The following NUBPL variants were observed in gnomAD, a reference collection of about 807,000 sequenced individuals.
NUBPL encodes the protein iron-sulfur cluster transfer protein NUBPL.
Under a neutral mutation model 45.7 loss-of-function variants are expected in NUBPL, and 31 were observed. The observed-to-expected ratio is 0.68, with a 90% CI of 0.51 to 0.92. The LOEUF (loss-of-function observed/expected upper bound fraction) is 0.92, where lower values mean the gene tolerates loss of function less well. Ranked by LOEUF, NUBPL falls within the 40% of genes least tolerant of loss-of-function variation. NUBPL has a pLI of 0.00. For synonymous variants in NUBPL, 144 were observed against 140.9 expected, an observed-to-expected ratio of 1.02 and a Z score of -0.15; for missense variants, 401 against 398.7, an observed-to-expected ratio of 1.01 and a Z score of -0.05.
chr14:31,639,756 G>A (rs1595413552), intron 4 of NUBPL, among the ~76,000 whole-genome samples: 1 of 152,296 alleles, frequency 6.6e-6, no homozygotes, highest in East Asian at 1.9e-4. Context: ...CTTCCTGGCT[G>A]CTTTGTTTAC....
intron 4 of NUBPL, among the ~76,000 whole-genome samples, chr14:31,662,464 T>G (rs1049482104): frequency 6.6e-5 from 10 of 151,914 alleles, no homozygotes; most frequent in Non-Finnish European, 2.9e-5. Flanking sequence ...TGTTATCCCT[T>G]CCCTCTGCCC....
At chr14:31,601,582 A>G (rs1453419405) in intron 4 of NUBPL, among the ~76,000 whole-genome samples, 4 of 152,360 alleles carry the variant, frequency 2.6e-5, no homozygotes, top group East Asian at 1.9e-4. Context: ...GGCGAAGGAC[A>G]TGAACAGACA....
chr14:31,563,706 A>G (rs767509535), intron 2 of NUBPL, among the ~76,000 whole-genome samples: 6 of 152,234 alleles, frequency 3.9e-5, no homozygotes, highest in Non-Finnish European at 8.8e-5. Context: ...ATGACATTTG[A>G]CTAATGCAAA....
intron 6 of NUBPL, among the ~76,000 whole-genome samples, chr14:31,695,079 C>G (rs1371327550): frequency 6.6e-6 from 1 of 152,146 alleles, no homozygotes; most frequent in East Asian, 1.9e-4. Flanking sequence ...ATAGTGTTGA[C>G]CATCAGGTTG....
At chr14:31,809,486 GTCTTTTTGATTCTTCTC>G (rs1316617817) in intron 7 of NUBPL, among the ~76,000 whole-genome samples, 3 of 152,022 alleles carry the variant, frequency 2.0e-5, no homozygotes, top group African/African-American at 4.8e-5. Flanking sequence ...TTTTTATTGT[GTCTTTTTGATTCTTCTC>G]TCTTTTCTTC....
At chr14:31,562,348 G>A (rs1376617172) in intron 2 of NUBPL, 133 bp downstream of exon 2, 12 of 900,274 alleles carry the variant, frequency 1.3e-5, no homozygotes, top group South Asian at 1.9e-5. Context: ...TTAGTTTCAG[G>A]AGTTGGTAGC....
chr14:31,838,279 C>CAAAAAA (rs748313330), intron 8 of NUBPL, among the ~76,000 whole-genome samples: 47 of 60,168 alleles, frequency 7.8e-4, no homozygotes, highest in African/African-American at 2.3e-3. Flanking sequence ...TAATATCCAG[C>CAAAAAA]AAAAAAAAAA....
intron 7 of NUBPL, among the ~76,000 whole-genome samples, chr14:31,793,893 A>T: frequency 1.6e-5 from 1 of 61,392 alleles, no homozygotes; most frequent in Non-Finnish European, 2.7e-5. Flanking sequence ...CCCCGACCCC[A>T]CCACAGTCCC....
intron 6 of NUBPL, among the ~76,000 whole-genome samples, chr14:31,718,957 G>A (rs985284973): frequency 6.6e-6 from 1 of 152,262 alleles, no homozygotes; most frequent in Non-Finnish European, 1.5e-5. Flanking sequence ...ATGAAGTTAT[G>A]TCTCGATTAA....
chr14:31,612,225 C>A (rs1410884964), intron 4 of NUBPL, among the ~76,000 whole-genome samples: 1 of 152,216 alleles, frequency 6.6e-6, no homozygotes, highest in East Asian at 1.9e-4. Context: ...ATGGCAAAAA[C>A]TGCAATTACT....
At position 31,562,612 on chromosome 14, in the gene NUBPL, T is replaced by G. The variant is rs547611239; in HGVS notation, c.256+397T>G. ...AGTAACTTTTTTTTTTTGTTTTTTTTTTTTTTTTTGAGACGGAATCTCGCT... is the reference window on the plus strand; with the variant it reads ...AGTAACTTTTTTTTTTTGTTTTTTTGTTTTTTTTTGAGACGGAATCTCGCT... On this transcript the variant is annotated intron_variant, in intron 2 of 10. Coordinates refer to ENST00000281081, the MANE Select transcript of NUBPL (RefSeq NM_025152.3). Among the ~76,000 whole-genome samples the G allele has an allele frequency of 2.2e-3, 322 of 148,054 alleles. 1 individual carries two copies. The highest frequency in any genetic ancestry group is 0.014 in the Middle Eastern group (4 of 286).
intron 6 of NUBPL, among the ~76,000 whole-genome samples, chr14:31,784,667 G>A (rs983282888): frequency 6.6e-6 from 1 of 151,076 alleles, no homozygotes; most frequent in Non-Finnish European, 1.5e-5. Flanking sequence ...GTCATGGGTA[G>A]TCTCGGGGTA....
chr14:31,825,478 C>A (rs1232320031), intron 7 of NUBPL, among the ~76,000 whole-genome samples: 2 of 150,470 alleles, frequency 1.3e-5, no homozygotes, highest in African/African-American at 4.9e-5. Flanking sequence ...CTCTTCTTTT[C>A]TTCTTGTTCT....
chr14:31,670,856 G>A (rs2139803998), intron 4 of NUBPL, among the ~76,000 whole-genome samples: 1 of 152,276 alleles, frequency 6.6e-6, no homozygotes, highest in South Asian at 2.1e-4. Context: ...CCAGTACCAT[G>A]CTGTTTTGGT....
At chr14:31,766,377 C>G (rs2038912739) in intron 6 of NUBPL, among the ~76,000 whole-genome samples, 2 of 152,152 alleles carry the variant, frequency 1.3e-5, no homozygotes, top group South Asian at 4.1e-4. Flanking sequence ...GGTTGGAAGG[C>G]AGAACATTTA....
Position 31,850,188 on chromosome 14 carries a change from C to T in NUBPL, c.884C>T (p.Pro295Leu), listed in dbSNP as rs1437326318. 1 of 1,613,232 alleles carries T rather than the reference C, an allele frequency of 6.2e-7. No homozygotes were observed. Among genetic ancestry groups the T allele is most frequent in the Non-Finnish European group, 8.5e-7 (1 of 1,179,380 alleles). The part of the protein sequence containing the change: ...DTGQPIVFSQ[P>L]ESDEAKAYLR... Reference sequence around the variant, plus strand: ...GGCCAGCCAATTGTGTTTTCACAGCCTGAAAGTGATGAGGTAAGTTCCATT... The same window carrying T: ...GGCCAGCCAATTGTGTTTTCACAGCTTGAAAGTGATGAGGTAAGTTCCATT... The change falls in exon 10 of 11, where the codon CCT becomes CTT. Residue 295 changes from proline (P) to leucine (L), a missense_variant. Coordinates refer to ENST00000281081, the MANE Select transcript of NUBPL (RefSeq NM_025152.3).
intron 3 of NUBPL, 87 bp from the exon 4 acceptor site, chr14:31,599,202 T>C: frequency 1.0e-6 from 1 of 969,646 alleles, no homozygotes; most frequent in Non-Finnish European, 1.6e-6. Context: ...TTACTGTTGC[T>C]ATATGCTTCA....
At chr14:31,822,155 C>G (rs944305708) in intron 7 of NUBPL, among the ~76,000 whole-genome samples, 7 of 152,002 alleles carry the variant, frequency 4.6e-5, no homozygotes, top group African/African-American at 1.7e-4. Flanking sequence ...TCAATAGTAA[C>G]TTAATTGTAC....
At chr14:31,604,221 C>T (rs2034524129) in intron 4 of NUBPL, among the ~76,000 whole-genome samples, 1 of 147,616 alleles carries the variant, frequency 6.8e-6, no homozygotes, top group South Asian at 2.2e-4. Flanking sequence ...ACAGGCTGAT[C>T]TTAAGTCCCC....
Sources: allele counts gnomAD v4.1 joint callset (sites outside exome capture counted in the v4.1 genomes callset), GRCh38; gene constraint gnomAD v4.1.1; transcripts MANE v1.5; gene names NCBI Gene and HGNC (gene_info 2026-07-23, HGNC 2026-07-21).